Variants in TNNI3K observed in about 807,000 individuals in gnomAD.
TNNI3K encodes serine/threonine-protein kinase TNNI3K.
TNNI3K carries 140 observed loss-of-function variants against 114.5 expected under a neutral mutation model. The observed-to-expected ratio is 1.22, with a 90% CI of 1.07 to 1.41. The LOEUF (loss-of-function observed/expected upper bound fraction) is 1.41, where lower values mean the gene tolerates loss of function less well. TNNI3K is among the 40% of genes most tolerant of loss of function. TNNI3K has a pLI of 0.00. For synonymous variants in TNNI3K, 347 were observed against 347.5 expected (o/e 1.00, Z 0.02); for missense variants, 1,125 against 1,007.6 (o/e 1.12, Z -1.58).
intron 20 of TNNI3K, among the ~76,000 whole-genome samples, chr1:74,449,085 T>C (rs1666856511): frequency 1.4e-5 from 2 of 141,904 alleles, no homozygotes; most frequent in African/African-American, 5.2e-5. Flanking sequence ...TGTGAATCCA[T>C]CTGGTCCTGG....
At chr1:74,247,113 G>A (rs570262110) in intron 2 of TNNI3K, among the ~76,000 whole-genome samples, 11 of 152,154 alleles carry the variant, frequency 7.2e-5, no homozygotes, top group Non-Finnish European at 1.2e-4. Context: ...GCGGACCCTC[G>A]CAGTGAGTGT....
intron 23 of TNNI3K, among the ~76,000 whole-genome samples, chr1:74,525,776 C>T (rs181562746): frequency 3.9e-5 from 6 of 152,210 alleles, no homozygotes; most frequent in Non-Finnish European, 5.9e-5. Flanking sequence ...ATACAGAAGC[C>T]GGGAGCAGCA....
chr1:74,540,225 A>C lies in TNNI3K; in HGVS notation c.2352-9A>C, dbSNP rs369803957. 5 of 1,610,186 alleles carry C rather than the reference A, an allele frequency of 3.1e-6. No homozygotes were observed. The highest frequency in any genetic ancestry group is 4.2e-6 in the Non-Finnish European group (5 of 1,178,178). On this transcript the variant is annotated splice_polypyrimidine_tract_variant and intron_variant, in intron 23 of 24. Coordinates refer to ENST00000326637, the MANE Select transcript of TNNI3K (RefSeq NM_015978.3). ...CATACTGTGAAACTGTGTTTTATTAATTTTCCAGTGCTGGACAATATTCCT... is the reference window on the plus strand; with the variant it reads ...CATACTGTGAAACTGTGTTTTATTACTTTTCCAGTGCTGGACAATATTCCT...
intron 7 of TNNI3K, chr1:74,341,525 G>A (rs902609850): frequency 7.3e-5 from 11 of 151,544 alleles, no homozygotes; most frequent in African/African-American, 2.4e-4. Context: ...GTTGAGGAAA[G>A]AGAGTGTATC....
At chr1:74,463,637 G>A in intron 21 of TNNI3K, 87 bp downstream of exon 21, 1 of 1,465,984 alleles carries the variant, frequency 6.8e-7, no homozygotes, top group East Asian at 2.3e-5. Flanking sequence ...CTTTCAGTGT[G>A]TATTTTAAGA....
intron 17 of TNNI3K, among the ~76,000 whole-genome samples, chr1:74,418,663 A>G (rs373671628): frequency 1.3e-5 from 2 of 152,064 alleles, no homozygotes; most frequent in East Asian, 1.9e-4. Context: ...TCTTACACTG[A>G]TATTCTGTCC....
At chr1:74,492,696 C>G (rs1448313229) in intron 23 of TNNI3K, among the ~76,000 whole-genome samples, 2 of 152,086 alleles carry the variant, frequency 1.3e-5, no homozygotes, top group Non-Finnish European at 2.9e-5. Flanking sequence ...GAAATAGGTA[C>G]TTAAACAAAT....
intron 5 of TNNI3K, among the ~76,000 whole-genome samples, chr1:74,304,807 T>G (rs1339081189): frequency 6.6e-6 from 1 of 152,202 alleles, no homozygotes; most frequent in Non-Finnish European, 1.5e-5. Context: ...CTGTTCATAC[T>G]TAATGTAATA....
chr1:74,327,544 ATAAT>A (rs1399972301), intron 5 of TNNI3K, among the ~76,000 whole-genome samples: 1 of 146,784 alleles, frequency 6.8e-6, no homozygotes, highest in East Asian at 2.0e-4. Context: ...TTGAGTATAT[ATAAT>A]ATATATCTCA....
intron 17 of TNNI3K, among the ~76,000 whole-genome samples, chr1:74,429,603 T>C (rs915626603): frequency 1.3e-5 from 2 of 152,034 alleles, no homozygotes; most frequent in African/African-American, 4.8e-5. Flanking sequence ...CCCAGAAAGG[T>C]CTGTGGCAGG....
At chr1:74,519,271 C>A (rs1364611272) in intron 23 of TNNI3K, among the ~76,000 whole-genome samples, 1 of 85,698 alleles carries the variant, frequency 1.2e-5, no homozygotes, top group East Asian at 2.8e-4. Context: ...TTTTCTTAAT[C>A]CAGTCTATCA....
intron 2 of TNNI3K, among the ~76,000 whole-genome samples, chr1:74,238,746 A>G (rs1049811705): frequency 2.6e-5 from 4 of 152,070 alleles, no homozygotes; most frequent in African/African-American, 7.2e-5. Context: ...AAAGACCAAT[A>G]GCCTGATGCT....
At chr1:74,436,909 C>T (rs1203701829) in intron 19 of TNNI3K, among the ~76,000 whole-genome samples, 12 of 151,982 alleles carry the variant, frequency 7.9e-5, no homozygotes, top group Non-Finnish European at 1.5e-5. Context: ...ATTCATCGTT[C>T]TCCACTTTAA....
chr1:74,271,532 C>T (rs1001853212), intron 4 of TNNI3K, 66 bp from the exon 5 acceptor site: 4 of 1,436,588 alleles, frequency 2.8e-6, no homozygotes, highest in African/African-American at 2.9e-5. Context: ...ATCAATACAT[C>T]CTGTTGCACA....
chr1:74,502,554 C>T (rs1488493122), intron 23 of TNNI3K, among the ~76,000 whole-genome samples: 1 of 152,162 alleles, frequency 6.6e-6, no homozygotes, highest in Non-Finnish European at 1.5e-5. Context: ...TTGCCAACAC[C>T]AGAACGTTAT....
chr1:74,526,846 A>G (rs72982849), intron 23 of TNNI3K, among the ~76,000 whole-genome samples: 6,154 of 152,276 alleles, frequency 0.04, 194 homozygotes, highest in East Asian at 0.081. Context: ...ACTACAGCTC[A>G]TGGGTAAATC....
intron 23 of TNNI3K, among the ~76,000 whole-genome samples, chr1:74,503,026 T>C (rs1454174440): frequency 6.6e-6 from 1 of 152,236 alleles, no homozygotes; most frequent in Non-Finnish European, 1.5e-5. Flanking sequence ...GCATGATTTC[T>C]TTATGGAACT....
At chr1:74,490,261 A>T (rs1291753771) in intron 22 of TNNI3K, among the ~76,000 whole-genome samples, 1 of 152,164 alleles carries the variant, frequency 6.6e-6, no homozygotes, top group African/African-American at 2.4e-5. Context: ...GGACTTACAG[A>T]AAGTGGGGAG....
intron 23 of TNNI3K, among the ~76,000 whole-genome samples, chr1:74,530,690 C>A (rs1646570849): frequency 6.6e-6 from 1 of 151,142 alleles, no homozygotes; most frequent in African/African-American, 2.4e-5. Context: ...AGGAGTGGGC[C>A]TTATCACTGT....
Sources: allele counts gnomAD v4.1 joint callset (sites outside exome capture counted in the v4.1 genomes callset), GRCh38; gene constraint gnomAD v4.1.1; transcripts MANE v1.5; gene names NCBI Gene and HGNC (gene_info 2026-07-23, HGNC 2026-07-21).